Variants in ZNF644 observed in about 807,000 individuals in gnomAD.
The protein encoded by ZNF644 is zinc finger motif enhancer binding protein 2.
ZNF644 carries 20 observed loss-of-function variants against 108.0 expected under a neutral mutation model. The ratio of observed to expected loss-of-function variants is 0.19; its 90% confidence interval spans 0.13 to 0.27. The LOEUF is 0.27. Ranked by LOEUF, ZNF644 falls within the 10% of genes least tolerant of loss-of-function variation. The probability of loss-of-function intolerance (pLI) is 1.00; values close to 1 mark genes in which losing one functional copy is unlikely to be tolerated. For synonymous variants in ZNF644, 542 were observed against 539.1 expected (o/e 1.01, Z -0.08); for missense variants, 1,338 against 1,548.9 (o/e 0.86, Z 2.29).
chr1:90,940,590 T>C lies in ZNF644; in HGVS notation c.764A>G (p.Asn255Ser). The change falls in exon 3 of 6, where the codon AAT (asparagine) becomes AGT (serine). Residue 255 changes from asparagine to serine, a missense_variant. Asn to Ser is a conservative substitution (Grantham distance 46). Coordinates refer to ENST00000337393, the MANE Select transcript of ZNF644 (RefSeq NM_201269.3). The stretch of plus-strand genomic sequence containing the variant: ...TTTTTGGGGATCCCAGTTTGTATCA[T>C]TTTCTGACCTAAATCCATCTGTACC... Reference protein sequence around the residue: ...SSGTDGFRSENDTNWDPQKEF... With the variant: ...SSGTDGFRSESDTNWDPQKEF... 1 of 1,614,040 alleles carries C rather than the reference T, an allele frequency of 6.2e-7. No homozygotes were observed. The highest frequency in any genetic ancestry group is 1.1e-5 in the South Asian group (1 of 91,082).
intron 1 of ZNF644, among the ~76,000 whole-genome samples, chr1:90,997,252 G>C (rs1020330560): frequency 6.6e-6 from 1 of 152,112 alleles, no homozygotes; most frequent in Non-Finnish European, 1.5e-5. Flanking sequence ...AAGTAAGGCA[G>C]AGTTGTAAAC....
At chr1:91,005,350 G>C (rs1659314375) in intron 1 of ZNF644, among the ~76,000 whole-genome samples, 1 of 152,062 alleles carries the variant, frequency 6.6e-6, no homozygotes, top group African/African-American at 2.4e-5. Flanking sequence ...TGACAGAATT[G>C]AAAGGCAGAA....
chr1:90,978,508 CACATCTACAATGCTACTAAAGAAACTGAA>C (rs1204215228), intron 2 of ZNF644, among the ~76,000 whole-genome samples: 1 of 152,044 alleles, frequency 6.6e-6, no homozygotes, highest in African/African-American at 2.4e-5. Context: ...CAAAGGGCAG[CACATCTACAATGCTACTAAAGAAACTGAA>C]GTACAGAGAG....
intron 1 of ZNF644, among the ~76,000 whole-genome samples, chr1:90,996,346 T>G (rs1658141726): frequency 6.6e-6 from 1 of 152,160 alleles, no homozygotes; most frequent in Admixed American, 6.5e-5. Flanking sequence ...AAATCAACAT[T>G]CTGTGAACTC....
rs776581204 is a variant in ZNF644, at chr1:90,939,650, T to C, written c.1704A>G (p.Lys568=). The change falls in exon 3 of 6, where the codon AAA becomes AAG. Residue 568 remains lysine (K), a synonymous_variant. Coordinates refer to ENST00000337393, the MANE Select transcript of ZNF644 (RefSeq NM_201269.3). The stretch of plus-strand genomic sequence containing the variant: ...CTACAGAGTCTTTCATGAAAGTCTT[T>C]TTTTGTGTTTTTCTCTGGGCAATAT... The part of the protein sequence containing the change: ...TSDIAQRKTQ[K]KTFMKDSVVG... 1.9e-6 allele frequency: 3 copies of C among 1,614,076 alleles called. No individual in the cohort carries two copies. In the East Asian group the frequency reaches 6.7e-5, roughly 36 times the overall value.
rs774934425 is a variant in ZNF644, at chr1:90,937,877, C to T, written c.3296G>A (p.Arg1099His). The change falls in exon 4 of 6, where the codon CGT (arginine) becomes CAT (histidine). Residue 1099 changes from arginine to histidine, a missense_variant. Arg to His is a conservative substitution (Grantham distance 29, BLOSUM62 0). Around this residue, in one of 6 missense-constraint regions of ZNF644, gnomAD observed 287 missense variants for 310.9 expected, o/e 0.92. Coordinates refer to ENST00000337393, the MANE Select transcript of ZNF644 (RefSeq NM_201269.3). Reference sequence around the variant, plus strand: ...TACAAATGGTCTGGGAATAATACGACGACTGTTCAATGCCTTTAAGATTTT... The same window carrying T: ...TACAAATGGTCTGGGAATAATACGATGACTGTTCAATGCCTTTAAGATTTT... ...YEKILKALNS[R>H]RIIPRPFVAQ... is the part of the protein sequence containing the mutation. The T allele has an allele frequency of 4.3e-6, 7 of 1,613,716 alleles. No homozygotes were observed. The highest frequency in any genetic ancestry group is 1.7e-5 in the Admixed American group (1 of 59,986).
chr1:90,939,225 G>C lies in ZNF644; in HGVS notation c.2129C>G (p.Thr710Arg), dbSNP rs1206316960. The C allele has an allele frequency of 6.2e-7, 1 of 1,613,974 alleles. No individual in the cohort carries two copies. The change falls in exon 3 of 6, where the codon ACA becomes AGA. Residue 710 changes from threonine to arginine, a missense_variant. Coordinates refer to ENST00000337393, the MANE Select transcript of ZNF644 (RefSeq NM_201269.3). Reference sequence around the variant, plus strand: ...TTTTTGGTCAACGCTGCTTTTAATTGTAACATTCTTATGAGGAGAGCTGTT... The same window carrying C: ...TTTTTGGTCAACGCTGCTTTTAATTCTAACATTCTTATGAGGAGAGCTGTT... Reference protein sequence around the residue: ...NQNSSPHKNVTIKSSVDQKPK... With the variant: ...NQNSSPHKNVRIKSSVDQKPK...
chr1:90,976,727 G>GTGAGTTTTAAGAGATGTA (rs1553156553), intron 2 of ZNF644, among the ~76,000 whole-genome samples: 1 of 152,058 alleles, frequency 6.6e-6, no homozygotes, highest in African/African-American at 2.4e-5. Flanking sequence ...GAAACCAAGG[G>GTGAGTTTTAAGAGATGTA]TGAGTTTTAA....
chr1:90,950,950 CA>C (rs1653094133), intron 2 of ZNF644, among the ~76,000 whole-genome samples: 1 of 152,190 alleles, frequency 6.6e-6, no homozygotes, highest in South Asian at 2.1e-4. Context: ...TCTCACTGTA[CA>C]AAAGAAAGGT....
At chr1:90,921,202 T>C (rs1424641030) in intron 4 of ZNF644, among the ~76,000 whole-genome samples, 1 of 152,230 alleles carries the variant, frequency 6.6e-6, no homozygotes, top group East Asian at 1.9e-4. Flanking sequence ...AGTAGTTTTG[T>C]TCTGGACTGT....
At chr1:91,017,551 G>C (rs1660534284) in intron 1 of ZNF644, among the ~76,000 whole-genome samples, 1 of 152,162 alleles carries the variant, frequency 6.6e-6, no homozygotes, top group South Asian at 2.1e-4. Context: ...CTCTCACAGG[G>C]CTGTTTTTCT....
intron 1 of ZNF644, among the ~76,000 whole-genome samples, chr1:90,988,947 G>A (rs933696021): frequency 6.6e-6 from 1 of 152,066 alleles, no homozygotes; most frequent in Non-Finnish European, 1.5e-5. Context: ...GAAAACATAG[G>A]GGAAGGCTTC....
At chr1:90,998,041 C>G (rs866658228) in intron 1 of ZNF644, among the ~76,000 whole-genome samples, 2 of 152,148 alleles carry the variant, frequency 1.3e-5, no homozygotes, top group African/African-American at 2.4e-5. Context: ...GTAAACAAAG[C>G]GGCCAGGAAG....
At chr1:91,014,166 C>A (rs1233728465) in intron 1 of ZNF644, among the ~76,000 whole-genome samples, 1 of 152,022 alleles carries the variant, frequency 6.6e-6, no homozygotes, top group African/African-American at 2.4e-5. Context: ...CATGCATTAC[C>A]TCACATAGTT....
At chr1:91,012,169 C>T (rs1225369109) in intron 1 of ZNF644, among the ~76,000 whole-genome samples, 2 of 152,010 alleles carry the variant, frequency 1.3e-5, no homozygotes, top group Non-Finnish European at 2.9e-5. Flanking sequence ...CATAACAATG[C>T]CAAACAAGGA....
At chr1:91,013,121 G>A (rs1660112510) in intron 1 of ZNF644, among the ~76,000 whole-genome samples, 1 of 151,876 alleles carries the variant, frequency 6.6e-6, no homozygotes, top group Admixed American at 6.6e-5. Context: ...TCGCCCAGGT[G>A]GGGATGCAGT....
At chr1:91,016,371 AC>A (rs1047613437) in intron 1 of ZNF644, among the ~76,000 whole-genome samples, 2 of 152,270 alleles carry the variant, frequency 1.3e-5, no homozygotes, top group Middle Eastern at 6.8e-3. Context: ...ACTCAAACAA[AC>A]CTAGATGGTA....
chr1:90,923,017 T>C (rs376481925), intron 4 of ZNF644, among the ~76,000 whole-genome samples: 1 of 152,122 alleles, frequency 6.6e-6, no homozygotes, highest in East Asian at 1.9e-4. Context: ...AAAAACATGC[T>C]AGCTTGTGTA....
chr1:90,962,330 A>G (rs1280363159), intron 2 of ZNF644, among the ~76,000 whole-genome samples: 1 of 152,016 alleles, frequency 6.6e-6, no homozygotes, highest in Non-Finnish European at 1.5e-5. Context: ...GGGGAAAAAA[A>G]CAGAGTCCAT....
Sources: gnomAD v4.1 joint callset for allele counts (sites outside exome capture counted in the v4.1 genomes callset) on GRCh38, gnomAD v4.1.1 for gene constraint, gnomAD v4.1.1 regional missense constraint, MANE v1.5 for transcripts, NCBI Gene and HGNC (gene_info 2026-07-23, HGNC 2026-07-21) for gene names.